Variants in ENTPD1 observed in about 807,000 individuals in gnomAD.
ENTPD1 encodes the protein ATP diphosphohydrolase.
ENTPD1 carries 33 observed loss-of-function variants against 57.0 expected under a neutral mutation model. The ratio of observed to expected loss-of-function variants is 0.58; its 90% CI spans 0.44 to 0.77. The LOEUF (loss-of-function observed/expected upper bound fraction) is 0.77. ENTPD1 is among the 30% of genes least tolerant of loss of function. ENTPD1 has a pLI of 0.00. For missense variants in ENTPD1, 501 were observed against 603.4 expected (o/e 0.83, Z 1.78); for synonymous variants, 202 against 218.8 (o/e 0.92, Z 0.68).
chr10:95,755,938 A>G, upstream of ENTPD1: 2 of 1,482,516 alleles, frequency 1.3e-6, no homozygotes, highest in Non-Finnish European at 1.8e-6. Context: ...AGAAAGAGAG[A>G]GAGATTTGAA....
At chr10:95,795,331 G>C (rs1245152901) in intron 1 of ENTPD1, among the ~76,000 whole-genome samples, 1 of 152,156 alleles carries the variant, frequency 6.6e-6, no homozygotes, top group East Asian at 1.9e-4. Context: ...GTCAGTAACT[G>C]GATGAGTGGT....
intron 2 of ENTPD1, among the ~76,000 whole-genome samples, chr10:95,829,815 G>A (rs2140657846): frequency 6.6e-6 from 1 of 152,266 alleles, no homozygotes; most frequent in African/African-American, 2.4e-5. Flanking sequence ...ATAGTATTAA[G>A]AGGCAGGGCC....
chr10:95,867,949 A>T lies in ENTPD1; in HGVS notation c.*1566A>T. On this transcript the variant is annotated 3_prime_UTR_variant, in exon 10 of 10. Transcript: ENST00000371205. The stretch of plus-strand genomic sequence containing the variant: ...CTTTTCTGCTACTTAGGTTAAATTC[A>T]CTAGATCTTGATTAGGAATCAAAAT... The T allele has an allele frequency of 1.0e-6, 1 of 985,482 alleles. No homozygotes were observed. 61.0% of individuals were successfully genotyped at this position (985,482 alleles called of 1,614,324 possible).
chr10:95,731,796 T>TTTTTTTTTTTTTTTTTC, intron 1 of ENTPD1, among the ~76,000 whole-genome samples: 1 of 142,254 alleles, frequency 7.0e-6, no homozygotes, highest in African/African-American at 2.7e-5. Flanking sequence ...TTTTTTTTTT[T>TTTTTTTTTTTTTTTTTC]TTTTTTGACA....
intron 1 of ENTPD1, among the ~76,000 whole-genome samples, chr10:95,795,675 A>G (rs1336085334): frequency 2.0e-5 from 3 of 152,214 alleles, no homozygotes; most frequent in African/African-American, 7.2e-5. Flanking sequence ...GAAAATTTAG[A>G]CAGGTTAAAT....
upstream of ENTPD1, among the ~76,000 whole-genome samples, chr10:95,708,497 C>A (rs1405923746): frequency 1.3e-5 from 2 of 152,224 alleles, no homozygotes; most frequent in African/African-American, 2.4e-5. Flanking sequence ...CAGGCATGAG[C>A]TGCTGCGCCT....
intron 2 of ENTPD1, among the ~76,000 whole-genome samples, chr10:95,825,781 T>C (rs1426180369): frequency 6.6e-6 from 1 of 152,128 alleles, no homozygotes; most frequent in African/African-American, 2.4e-5. Flanking sequence ...GGTTTCACCA[T>C]GTTAGCCAGG....
At chr10:95,811,104 C>G (rs1449320730) in intron 1 of ENTPD1, among the ~76,000 whole-genome samples, 2 of 152,198 alleles carry the variant, frequency 1.3e-5, no homozygotes, top group African/African-American at 4.8e-5. Context: ...ATCCAGATGG[C>G]ATTTCTCGCT....
upstream of ENTPD1, among the ~76,000 whole-genome samples, chr10:95,708,081 A>G (rs1171044420): frequency 6.6e-6 from 1 of 152,262 alleles, no homozygotes; most frequent in Non-Finnish European, 1.5e-5. Context: ...AAAAATGGGT[A>G]CACTGCATTA....
intron 1 of ENTPD1, among the ~76,000 whole-genome samples, chr10:95,757,073 A>G (rs1457296614): frequency 6.6e-6 from 1 of 152,174 alleles, no homozygotes; most frequent in Non-Finnish European, 1.5e-5. Context: ...GTGAGGGAGT[A>G]TAGGGTTGTA....
intron 2 of ENTPD1, among the ~76,000 whole-genome samples, chr10:95,830,483 G>C (rs1040691313): frequency 2.6e-5 from 4 of 152,034 alleles, no homozygotes; most frequent in Admixed American, 6.6e-5. Flanking sequence ...ATCATCTTTG[G>C]AGGTTACAGT....
At chr10:95,790,223 A>G (rs1023974227) in intron 1 of ENTPD1, among the ~76,000 whole-genome samples, 5 of 152,214 alleles carry the variant, frequency 3.3e-5, no homozygotes, top group African/African-American at 1.2e-4. Flanking sequence ...CGATAAATAC[A>G]GTACAGGGTT....
upstream of ENTPD1, among the ~76,000 whole-genome samples, chr10:95,708,874 A>G (rs1005772286): frequency 6.6e-6 from 1 of 152,180 alleles, no homozygotes; most frequent in African/African-American, 2.4e-5. Context: ...ATTTTGAAAA[A>G]CAGTTAATAA....
At chr10:95,707,574 A>G (rs2097963046), upstream of ENTPD1, among the ~76,000 whole-genome samples, 4 of 152,130 alleles carry the variant, frequency 2.6e-5, no homozygotes, top group Admixed American at 2.6e-4. Context: ...CTAGGGTTAC[A>G]TGGGCAGGCT....
At chr10:95,739,451 C>T (rs183934128) in intron 1 of ENTPD1, among the ~76,000 whole-genome samples, 19 of 152,350 alleles carry the variant, frequency 1.2e-4, no homozygotes, top group Admixed American at 1.2e-3. Context: ...ATGTTCACTG[C>T]ATCTTCCCCA....
rs1286800009 is a variant in ENTPD1 at position 95,875,958 on chromosome 10, A to G, written c.*9575A>G. Reference sequence around the variant, plus strand: ...GAGATTTGGGTGGGGACACAGCCAAACCATATCAATGATTTTGTACTTTAA... The same window carrying G: ...GAGATTTGGGTGGGGACACAGCCAAGCCATATCAATGATTTTGTACTTTAA... On this transcript the variant is annotated 3_prime_UTR_variant, in exon 10 of 10. Transcript: ENST00000371205. The G allele has an allele frequency of 4.1e-6, 4 of 985,280 alleles. No homozygotes were observed. The Admixed American group carries it at 1.8e-4, about 45-fold the overall frequency. 61.0% of individuals were successfully genotyped at this position (985,280 alleles called of 1,614,324 possible). A position where few individuals can be genotyped will look rare whatever the true frequency, so the allele number is the denominator to read the frequency against.
upstream of ENTPD1, chr10:95,753,232 G>C (rs1434915053): frequency 4.0e-5 from 6 of 151,844 alleles, no homozygotes; most frequent in Non-Finnish European, 7.4e-5. Flanking sequence ...TATTTTTTAA[G>C]ATAAATTCTG....
rs1304188905 is a variant in ENTPD1 at position 95,874,102 on chromosome 10, A to G, written c.*7719A>G. ...TAATCCTCACATTTCAAAACCAATC[A>G]TTCCTTCCCAACAGTTCCCCAAAGT... On this transcript the variant is annotated 3_prime_UTR_variant, in exon 10 of 10. Coordinates refer to ENST00000371205, the MANE Select transcript of ENTPD1 (RefSeq NM_001776.6). 1.3e-5 allele frequency among the ~76,000 whole-genome samples: 2 copies of G among 152,106 alleles called. No homozygotes were observed. The highest frequency in any genetic ancestry group is 4.8e-5 in the African/African-American group (2 of 41,398).
chr10:95,716,962 C>T (rs566592269), intron 1 of ENTPD1, among the ~76,000 whole-genome samples: 41 of 152,302 alleles, frequency 2.7e-4, no homozygotes, highest in Non-Finnish European at 5.3e-4. Context: ...TGCTCACTAC[C>T]TAAGGAGAGG....
Sources: gnomAD v4.1 joint callset for allele counts (sites outside exome capture counted in the v4.1 genomes callset) on GRCh38, gnomAD v4.1.1 for gene constraint, MANE v1.5 for transcripts, NCBI Gene and HGNC (gene_info 2026-07-23, HGNC 2026-07-21) for gene names.